TENM3: variants seen among roughly 807,000 people sequenced by gnomAD.
The protein encoded by TENM3 is teneurin transmembrane protein 3, also known as teneurin-3.
Under a neutral mutation model 255.1 loss-of-function variants are expected in TENM3, and 63 were observed. That is an observed-to-expected ratio of 0.25 (90% confidence interval 0.20 to 0.30). TENM3 has a LOEUF of 0.30. Ranked by LOEUF, TENM3 falls within the 10% of genes least tolerant of loss-of-function variation. The pLI is 1.00. For missense variants in TENM3, 2,929 were observed against 3,461.1 expected (o/e 0.85, Z 3.86); for synonymous variants, 1,306 against 1,322.3 (o/e 0.99, Z 0.27).
At chr4:181,452,424 G>A in the TENM3 span, among the ~76,000 whole-genome samples, 11 of 152,122 alleles carry the variant, frequency 7.2e-5, no homozygotes, top group Non-Finnish European at 1.3e-4. Flanking sequence ...GAATCCTGGG[G>A]GAAGTTACCC....
chr4:182,411,855 A>G (rs886082394), intron 3 of TENM3, among the ~76,000 whole-genome samples: 1 of 152,214 alleles, frequency 6.6e-6, no homozygotes, highest in African/African-American at 2.4e-5. Context: ...TACCAGTCAC[A>G]TAGATAAAAT....
At chr4:182,020,826 T>C in the TENM3 span, among the ~76,000 whole-genome samples, 2 of 152,214 alleles carry the variant, frequency 1.3e-5, no homozygotes, top group Non-Finnish European at 2.9e-5. Context: ...TCTCAAGGCT[T>C]AGCCTACCCA....
At chr4:181,985,989 C>G in the TENM3 span, among the ~76,000 whole-genome samples, 1 of 152,098 alleles carries the variant, frequency 6.6e-6, no homozygotes, top group East Asian at 1.9e-4. Context: ...AAATATTTGA[C>G]AAGACCCACT....
rs553564812 is a variant in TENM3, at chr4:182,209,381, G to A, written c.-76+64627G>A. On this transcript the variant is annotated intron_variant, in intron 1 of 2. Coordinates refer to the TENM3 transcript ENST00000512480. Reference sequence around the variant, plus strand: ...GGTGCTTCCCAGGCACCTTGTGTGCGTGTGGCCCCACTGTGCATGCTCATG... The same window carrying A: ...GGTGCTTCCCAGGCACCTTGTGTGCATGTGGCCCCACTGTGCATGCTCATG... Among the ~76,000 whole-genome samples the A allele has an allele frequency of 1.2e-4, 18 of 151,806 alleles. No individual in the cohort carries two copies. The South Asian group carries it at 1.5e-3, about 12-fold the overall frequency.
the TENM3 span, among the ~76,000 whole-genome samples, chr4:181,609,300 T>A: frequency 2.0e-5 from 3 of 152,246 alleles, no homozygotes; most frequent in Non-Finnish European, 4.4e-5. Flanking sequence ...TAGAAATGCT[T>A]ATTGCTGGAA....
At chr4:182,359,913 A>G (rs1053272769) in intron 3 of TENM3, among the ~76,000 whole-genome samples, 1 of 149,616 alleles carries the variant, frequency 6.7e-6, no homozygotes, top group African/African-American at 2.4e-5. Flanking sequence ...AGATTCTGGT[A>G]TGTTGTGTCT....
At chr4:181,742,383 AT>A in the TENM3 span, among the ~76,000 whole-genome samples, 6 of 152,146 alleles carry the variant, frequency 3.9e-5, no homozygotes, top group African/African-American at 1.4e-4. Flanking sequence ...TACTTAAAAA[AT>A]ATCTATATAT....
intron 26 of TENM3, among the ~76,000 whole-genome samples, chr4:182,794,751 G>A (rs1017437224): frequency 1.3e-5 from 2 of 152,140 alleles, no homozygotes; most frequent in African/African-American, 4.8e-5. Flanking sequence ...TGCCACCATG[G>A]AACAACCAGC....
At chr4:182,319,555 G>A (rs967108107) in intron 1 of TENM3, among the ~76,000 whole-genome samples, 2 of 152,150 alleles carry the variant, frequency 1.3e-5, no homozygotes, top group Non-Finnish European at 2.9e-5. Flanking sequence ...TGTGGCACTG[G>A]AGAATTGCTT....
chr4:182,559,366 G>C (rs1378316437), intron 3 of TENM3, among the ~76,000 whole-genome samples: 2 of 152,002 alleles, frequency 1.3e-5, no homozygotes, highest in Admixed American at 1.3e-4. Context: ...TGTTTCCATA[G>C]AAATGAGGAG....
At chr4:182,339,910 TA>T (rs5864779) in intron 2 of TENM3, among the ~76,000 whole-genome samples, 53,186 of 150,512 alleles carry the variant, frequency 0.35, 10,538 homozygotes, top group East Asian at 0.49. Context: ...GTTTTTGATT[TA>T]AAAAAAAAAG....
At chr4:182,115,275 T>C in the TENM3 span, among the ~76,000 whole-genome samples, 1,855 of 152,328 alleles carry the variant, frequency 0.012, 35 homozygotes, top group African/African-American at 0.042. Flanking sequence ...GAAACAATCA[T>C]TGGATGCTTG....
At chr4:182,177,098 C>T (rs1376184458) in intron 1 of TENM3, among the ~76,000 whole-genome samples, 2 of 152,064 alleles carry the variant, frequency 1.3e-5, no homozygotes, top group African/African-American at 2.4e-5. Context: ...ATGAGATGAG[C>T]CTGTAAGCAC....
At chr4:182,087,236 G>A in the TENM3 span, among the ~76,000 whole-genome samples, 1 of 152,184 alleles carries the variant, frequency 6.6e-6, no homozygotes, top group Non-Finnish European at 1.5e-5. Context: ...CTAATTAAAA[G>A]AAGGGTTCAT....
At chr4:181,454,768 C>T in the TENM3 span, among the ~76,000 whole-genome samples, 1 of 128,270 alleles carries the variant, frequency 7.8e-6, no homozygotes, top group South Asian at 2.4e-4. Flanking sequence ...GTAGAGTAAC[C>T]AGTAACCTAC....
the TENM3 span, among the ~76,000 whole-genome samples, chr4:181,731,597 C>T: frequency 1.3e-5 from 2 of 152,164 alleles, no homozygotes; most frequent in South Asian, 4.1e-4. Context: ...AAGCGATCCA[C>T]CTGCCTCAGC....
Position 182,605,696 on chromosome 4 carries a change from T to C in TENM3, c.749+4535T>C, listed in dbSNP as rs186097626. ...AAGAATTTGCTGTGTGCTGTTAATA[T>C]TTAAGGCCTATTTCAAGCCCTGGCT... On this transcript the variant is annotated intron_variant, in intron 4 of 27. Transcript: ENST00000511685. 3.3e-5 allele frequency among the ~76,000 whole-genome samples: 5 copies of C among 152,254 alleles called. No individual in the cohort carries two copies. In the East Asian group the frequency reaches 9.6e-4, roughly 29 times the overall value.
chr4:181,740,410 T>G, the TENM3 span, among the ~76,000 whole-genome samples: 2 of 152,172 alleles, frequency 1.3e-5, no homozygotes, highest in Non-Finnish European at 2.9e-5. Context: ...ATATATGTGT[T>G]ATTCAGACAA....
chr4:181,729,949 G>A, the TENM3 span, among the ~76,000 whole-genome samples: 10,178 of 152,216 alleles, frequency 0.067, 742 homozygotes, highest in African/African-American at 0.18. Flanking sequence ...AAGACCATCA[G>A]GATGGATAAA....
Sources: allele counts gnomAD v4.1 joint callset (sites outside exome capture counted in the v4.1 genomes callset), GRCh38; gene constraint gnomAD v4.1.1; transcripts MANE v1.5; gene names NCBI Gene and HGNC (gene_info 2026-07-23, HGNC 2026-07-21).